PDSS2: variants seen among roughly 807,000 people sequenced by gnomAD.
The protein encoded by PDSS2 is all trans-polyprenyl-diphosphate synthase PDSS2.
In PDSS2, 31 loss-of-function variants were observed where a neutral mutation model predicts 44.5. The ratio of observed to expected loss-of-function variants is 0.70; its 90% CI spans 0.52 to 0.94. The LOEUF (loss-of-function observed/expected upper bound fraction) is 0.94, where lower values mean the gene tolerates loss of function less well. Among genes scored for constraint, PDSS2 ranks in the 40% least tolerant of loss-of-function variants. The probability of loss-of-function intolerance (pLI) is 0.00; values close to 1 mark genes in which losing one functional copy is unlikely to be tolerated. For synonymous variants in PDSS2, 157 were observed against 180.3 expected (o/e 0.87, Z 1.03); for missense variants, 452 against 482.2 (o/e 0.94, Z 0.59).
At chr6:107,169,125 A>G (rs139430804) in intron 7 of PDSS2, among the ~76,000 whole-genome samples, 2 of 151,678 alleles carry the variant, frequency 1.3e-5, no homozygotes, top group African/African-American at 4.8e-5. Context: ...AATCAGACGT[A>G]GATTTGGTCT....
At chr6:107,456,581 G>C (rs1431095536) in intron 1 of PDSS2, among the ~76,000 whole-genome samples, 1 of 152,112 alleles carries the variant, frequency 6.6e-6, no homozygotes, top group African/African-American at 2.4e-5. Flanking sequence ...TTTGAGACAG[G>C]GTCTCTTGCC....
At chr6:107,208,285 CTTTTTTTTTT>C (rs1164014672) in intron 6 of PDSS2, among the ~76,000 whole-genome samples, 182 of 53,304 alleles carry the variant, frequency 3.4e-3, no homozygotes, top group African/African-American at 0.014. Context: ...CATGCCTGGC[CTTTTTTTTTT>C]TTTTTTTTTT....
intron 2 of PDSS2, among the ~76,000 whole-genome samples, chr6:107,291,270 T>C (rs1776336426): frequency 6.6e-6 from 1 of 152,080 alleles, no homozygotes. Context: ...TATTTGGGGT[T>C]GGCCATGAGT....
chr6:107,359,878 T>G (rs1486198056), intron 1 of PDSS2, among the ~76,000 whole-genome samples: 5 of 152,126 alleles, frequency 3.3e-5, no homozygotes, highest in African/African-American at 1.2e-4. Context: ...AATTAGAAAT[T>G]GCTCTCCCTC....
intron 2 of PDSS2, among the ~76,000 whole-genome samples, chr6:107,313,486 G>A (rs1191271099): frequency 6.6e-6 from 1 of 151,972 alleles, no homozygotes; most frequent in African/African-American, 2.4e-5. Context: ...CTGAGTAGCT[G>A]GGACTACAGG....
intron 1 of PDSS2, among the ~76,000 whole-genome samples, chr6:107,364,195 C>T (rs1172876739): frequency 6.6e-6 from 1 of 152,244 alleles, no homozygotes; most frequent in Non-Finnish European, 1.5e-5. Flanking sequence ...GTGGATCCCG[C>T]ACTGGGGCTG....
At position 107,245,595 on chromosome 6, in the gene PDSS2, G is replaced by C; in HGVS notation, c.655C>G (p.Leu219Val). ...TKVVELLASA[L>V]MDLVQGVYHE... ...TATACTCCTTGTACCAAGTCCATAA[G>C]AGCACTTGCTAAAAGTTCCACAACC... The change falls in exon 4 of 8, where the codon CTT becomes GTT. Residue 219 changes from leucine (L) to valine (V), a missense_variant. Transcript: ENST00000369037. 6.3e-7 allele frequency: 1 copy of C among 1,592,454 alleles called. No homozygotes were observed. The highest frequency in any genetic ancestry group is 1.1e-5 in the South Asian group (1 of 87,374).
intron 7 of PDSS2, among the ~76,000 whole-genome samples, chr6:107,185,159 G>T (rs1486835386): frequency 6.7e-6 from 1 of 149,638 alleles, no homozygotes; most frequent in Non-Finnish European, 1.5e-5. Context: ...AGAAGAAGGA[G>T]AAGGAGAAGG....
chr6:107,316,621 C>A (rs1777209036), intron 2 of PDSS2, among the ~76,000 whole-genome samples: 1 of 152,002 alleles, frequency 6.6e-6, no homozygotes, highest in Non-Finnish European at 1.5e-5. Flanking sequence ...TAACAGATTT[C>A]TTTTTTTCGT....
At chr6:107,180,503 C>T (rs750574579) in intron 7 of PDSS2, among the ~76,000 whole-genome samples, 10 of 152,170 alleles carry the variant, frequency 6.6e-5, no homozygotes, top group African/African-American at 1.2e-4. Flanking sequence ...TAGGCAAAAA[C>T]GCGCAGTATC....
chr6:107,236,942 C>CT lies in PDSS2; in HGVS notation c.702+8605dup, dbSNP rs541953143. On this transcript the variant is annotated intron_variant, in intron 4 of 7. Coordinates refer to ENST00000369037, the MANE Select transcript of PDSS2 (RefSeq NM_020381.4). ...TTAACTTCCTAGTGGACTGAATTAT[C>CT]TTTTTTTTTTTTTTGAGACAGGGTC... 2.0e-3 allele frequency among the ~76,000 whole-genome samples: 281 copies of CT among 143,886 alleles called. 4 individuals are homozygous for CT. The South Asian group carries it at 0.03, about 15-fold the overall frequency. 94.4% of individuals were successfully genotyped at this position (143,886 alleles called of 152,430 possible).
At chr6:107,198,042 G>A (rs1238047871) in intron 6 of PDSS2, 1 of 399,232 alleles carries the variant, frequency 2.5e-6, no homozygotes, top group African/African-American at 2.1e-5. Flanking sequence ...TTACTGATAA[G>A]GACATCTAGA....
rs76924449 is a variant in PDSS2, at chr6:107,342,333, C to A, written c.297-8001G>T. On this transcript the variant is annotated intron_variant, in intron 1 of 7. Coordinates refer to ENST00000369037, the MANE Select transcript of PDSS2 (RefSeq NM_020381.4). Reference sequence around the variant, plus strand: ...TCTTCCTGTTATCAATTTGCCACATCCAACCATTCAGCTCTGACTGGTTCC... The same window carrying A: ...TCTTCCTGTTATCAATTTGCCACATACAACCATTCAGCTCTGACTGGTTCC... Among the ~76,000 whole-genome samples, 1,515 of 152,320 alleles carry A rather than the reference C, an allele frequency of 9.9e-3. 26 individuals carry two copies. The highest frequency in any genetic ancestry group is 0.035 in the African/African-American group (1,439 of 41,558).
chr6:107,418,969 G>C (rs999128996), intron 1 of PDSS2, among the ~76,000 whole-genome samples: 2 of 151,594 alleles, frequency 1.3e-5, no homozygotes, highest in Admixed American at 6.6e-5. Flanking sequence ...TTTAAGTCTA[G>C]ATGAAAACAT....
At chr6:107,272,119 T>C (rs1195833695) in intron 3 of PDSS2, among the ~76,000 whole-genome samples, 1 of 149,578 alleles carries the variant, frequency 6.7e-6, no homozygotes, top group Non-Finnish European at 1.5e-5. Flanking sequence ...TAATGAGAAC[T>C]CTCTCCACTG....
In PDSS2 at chr6:107,213,615, C is replaced by T. The variant is rs781088731; in HGVS notation, c.703-1333G>A. Reference sequence around the variant, plus strand: ...CTCTACTAAAAATAGAAAAATTAGCCGGGTGGTGGCAGGTGCCTGTAATCC... The same window carrying T: ...CTCTACTAAAAATAGAAAAATTAGCTGGGTGGTGGCAGGTGCCTGTAATCC... On this transcript the variant is annotated intron_variant, in intron 4 of 7. Coordinates refer to ENST00000369037, the MANE Select transcript of PDSS2 (RefSeq NM_020381.4). 1.3e-4 allele frequency among the ~76,000 whole-genome samples: 20 copies of T among 151,924 alleles called. 2 individuals are homozygous for T. Among genetic ancestry groups the T allele is most frequent in the Middle Eastern group, 3.4e-3 (1 of 294 alleles).
intron 1 of PDSS2, among the ~76,000 whole-genome samples, chr6:107,399,954 G>A (rs980211371): frequency 6.6e-6 from 1 of 152,036 alleles, no homozygotes; most frequent in African/African-American, 2.4e-5. Flanking sequence ...AGGAACACAG[G>A]AGCTTAACAC....
intron 1 of PDSS2, among the ~76,000 whole-genome samples, chr6:107,406,308 A>G (rs565153332): frequency 3.9e-5 from 6 of 152,322 alleles, no homozygotes; most frequent in African/African-American, 1.4e-4. Context: ...TAGATGATCA[A>G]AAAAGATACA....
In PDSS2 at chr6:107,429,181, T is replaced by TA. The variant is rs146630447; in HGVS notation, c.296+29808dup. 4.2e-3 allele frequency among the ~76,000 whole-genome samples: 636 copies of TA among 152,330 alleles called. 4 individuals are homozygous for TA. The highest frequency in any genetic ancestry group is 0.014 in the African/African-American group (591 of 41,568). The stretch of plus-strand genomic sequence containing the variant: ...CATTTGAATCGAGTCCTATAAAGGT[T>TA]ACGCAGAGTGTACTAGGTGTGAATG... On this transcript the variant is annotated intron_variant, in intron 1 of 7. Transcript: ENST00000369037.
Sources: gnomAD v4.1 joint callset for allele counts (sites outside exome capture counted in the v4.1 genomes callset) on GRCh38, gnomAD v4.1.1 for gene constraint, MANE v1.5 for transcripts, NCBI Gene and HGNC (gene_info 2026-07-23, HGNC 2026-07-21) for gene names.